TIAM2: variants seen among roughly 807,000 people sequenced by gnomAD.
TIAM2 encodes the protein rho guanine nucleotide exchange factor TIAM2.
Under a neutral mutation model 152.9 loss-of-function variants are expected in TIAM2, and 80 were observed. That is an observed-to-expected ratio of 0.52 (90% CI 0.44 to 0.63). The LOEUF is 0.63. Among genes scored for constraint, TIAM2 ranks in the 30% least tolerant of loss-of-function variants. TIAM2 has a pLI of 0.00. For synonymous variants in TIAM2, 804 were observed against 838.0 expected, an observed-to-expected ratio of 0.96 and a Z score of 0.70; for missense variants, 1,965 against 2,120.1, an observed-to-expected ratio of 0.93 and a Z score of 1.44.
intron 23 of TIAM2, among the ~76,000 whole-genome samples, chr6:155,252,254 T>C (rs1220866530): frequency 6.6e-6 from 1 of 152,100 alleles, no homozygotes; most frequent in Non-Finnish European, 1.5e-5. Flanking sequence ...AGGCTGAGGC[T>C]TGAGCCCAGG....
chr6:155,240,412 C>A, intron 15 of TIAM2, 118 bp from the exon 16 acceptor site: 2 of 1,107,896 alleles, frequency 1.8e-6, no homozygotes, highest in Non-Finnish European at 2.5e-6. Flanking sequence ...TTGCCCTACA[C>A]AGAGGCCCCT....
chr6:155,085,423 G>T (rs192670464), intron 1 of TIAM2, among the ~76,000 whole-genome samples: 158 of 152,214 alleles, frequency 1.0e-3, no homozygotes, highest in African/African-American at 3.5e-3. Context: ...ATTGACAGTT[G>T]TGCTGCGTAC....
At chr6:155,049,047 C>T (rs889169852) in intron 1 of TIAM2, among the ~76,000 whole-genome samples, 4 of 152,020 alleles carry the variant, frequency 2.6e-5, no homozygotes, top group African/African-American at 4.8e-5. Context: ...GTGATCCGCC[C>T]GTCTCGGACT....
At chr6:155,006,597 C>T (rs1778405919) in intron 1 of TIAM2, among the ~76,000 whole-genome samples, 1 of 146,818 alleles carries the variant, frequency 6.8e-6, no homozygotes, top group Non-Finnish European at 1.5e-5. Context: ...ACCCTGGAGG[C>T]GGAGGTTGCA....
chr6:155,059,926 A>G (rs1777538344), intron 1 of TIAM2, among the ~76,000 whole-genome samples: 1 of 152,218 alleles, frequency 6.6e-6, no homozygotes, highest in Admixed American at 6.5e-5. Context: ...ATTTGTGGTC[A>G]TATCTGAAAA....
chr6:155,227,147 C>T (rs1782278666), intron 15 of TIAM2, among the ~76,000 whole-genome samples: 1 of 152,204 alleles, frequency 6.6e-6, no homozygotes, highest in Non-Finnish European at 1.5e-5. Context: ...TGGAGCTTTC[C>T]ATGCACTCAC....
chr6:155,236,783 C>G (rs376756839), intron 15 of TIAM2, among the ~76,000 whole-genome samples: 18 of 152,188 alleles, frequency 1.2e-4, no homozygotes, highest in Non-Finnish European at 2.2e-4. Flanking sequence ...TTCACTATTA[C>G]AAGAACAGCA....
chr6:155,012,757 G>A (rs1347765887), intron 1 of TIAM2, among the ~76,000 whole-genome samples: 1 of 152,110 alleles, frequency 6.6e-6, no homozygotes, highest in East Asian at 1.9e-4. Flanking sequence ...CACCATATTG[G>A]CCAGGCTGGT....
At chr6:155,169,836 T>TC (rs1360692976) in intron 9 of TIAM2, among the ~76,000 whole-genome samples, 5 of 151,306 alleles carry the variant, frequency 3.3e-5, no homozygotes, top group Non-Finnish European at 7.4e-5. Context: ...TTTTTTTTTT[T>TC]CAGATGGAGT....
At chr6:155,221,866 A>C (rs1782055734) in intron 15 of TIAM2, among the ~76,000 whole-genome samples, 1 of 152,176 alleles carries the variant, frequency 6.6e-6, no homozygotes, top group South Asian at 2.1e-4. Context: ...GTGGGAGAAG[A>C]AAGCAGGAAG....
intron 14 of TIAM2, among the ~76,000 whole-genome samples, chr6:155,191,391 T>A (rs1250051893): frequency 6.6e-6 from 1 of 152,254 alleles, no homozygotes; most frequent in Non-Finnish European, 1.5e-5. Flanking sequence ...GTGTGTTGAA[T>A]ACGCAGATAC....
At chr6:155,181,992 A>G (rs180994056) in intron 12 of TIAM2, among the ~76,000 whole-genome samples, 5 of 152,332 alleles carry the variant, frequency 3.3e-5, no homozygotes, top group East Asian at 3.8e-4. Flanking sequence ...GTGTGGGTGC[A>G]TGGTCTCACC....
intron 2 of TIAM2, among the ~76,000 whole-genome samples, chr6:155,108,784 T>C (rs1226446315): frequency 2.0e-5 from 3 of 152,088 alleles, no homozygotes; most frequent in Non-Finnish European, 4.4e-5. Context: ...AGCAGAGCCA[T>C]GCTTTCTTTT....
chr6:155,045,812 C>G (rs1777160926), intron 1 of TIAM2, among the ~76,000 whole-genome samples: 1 of 125,262 alleles, frequency 8.0e-6, no homozygotes, highest in Non-Finnish European at 1.7e-5. Flanking sequence ...CTTTCTCACT[C>G]ATATTTTTTT....
At chr6:155,165,157 G>C (rs919074217) in intron 8 of TIAM2, 106 bp from the exon 9 acceptor site, 20 of 1,230,612 alleles carry the variant, frequency 1.6e-5, no homozygotes, top group East Asian at 1.0e-4. Flanking sequence ...GGAGCTTTTG[G>C]CGATAGTCAG....
chr6:155,065,754 A>G (rs901248916), intron 1 of TIAM2, among the ~76,000 whole-genome samples: 1 of 152,168 alleles, frequency 6.6e-6, no homozygotes, highest in African/African-American at 2.4e-5. Context: ...GGGCAACAGA[A>G]TAAGACTGTC....
rs186244202 is a variant in TIAM2, at chr6:155,095,561, C to T, written c.-118+5182C>T. Reference sequence around the variant, plus strand: ...CTGGTTATTTACTGATGGAATGTGCCCCCTAACAGATCTGTGAACTTTCCG... The same window carrying T: ...CTGGTTATTTACTGATGGAATGTGCTCCCTAACAGATCTGTGAACTTTCCG... On this transcript the variant is annotated intron_variant, in intron 2 of 26. Transcript: ENST00000682666. Among the ~76,000 whole-genome samples the T allele has an allele frequency of 1.6e-3, 242 of 152,194 alleles. 1 individual carries two copies. The highest frequency in any genetic ancestry group is 5.5e-3 in the African/African-American group (230 of 41,518).
intron 2 of TIAM2, among the ~76,000 whole-genome samples, chr6:155,112,962 T>A (rs1324106996): frequency 6.8e-6 from 1 of 146,360 alleles, no homozygotes; most frequent in African/African-American, 2.5e-5. Context: ...GCCTAGCAGG[T>A]CCCCCTGCTG....
chr6:155,256,465 T>TG lies in TIAM2; in HGVS notation c.4469-18dup. On this transcript the variant is annotated intron_variant, in intron 26 of 26. Coordinates refer to ENST00000682666, the MANE Select transcript of TIAM2 (RefSeq NM_012454.4). ...AACCTGTTTCTGTATCACAGCGAAATGTGTTTTTCTCACTGTAGCTTCATC... is the reference window on the plus strand; with the variant it reads ...AACCTGTTTCTGTATCACAGCGAAATGGTGTTTTTCTCACTGTAGCTTCATC... 6.2e-7 allele frequency: 1 copy of TG among 1,614,016 alleles called. No individual in the cohort carries two copies.
Sources: gnomAD v4.1 joint callset for allele counts (sites outside exome capture counted in the v4.1 genomes callset) on GRCh38, gnomAD v4.1.1 for gene constraint, MANE v1.5 for transcripts, NCBI Gene and HGNC (gene_info 2026-07-23, HGNC 2026-07-21) for gene names.